Variants in SYCE2 observed in about 807,000 individuals in gnomAD.
SYCE2 encodes central element synaptonemal complex 1.
In SYCE2, 3 loss-of-function variants were observed where a neutral mutation model predicts 27.9. The ratio of observed to expected loss-of-function variants is 0.11; its 90% CI spans 0.05 to 0.28. SYCE2 has a LOEUF of 0.28. SYCE2 is among the 10% of genes least tolerant of loss of function. The probability of loss-of-function intolerance (pLI) is 1.00; values close to 1 mark genes in which losing one functional copy is unlikely to be tolerated. For synonymous variants in SYCE2, 85 were observed against 100.7 expected, an observed-to-expected ratio of 0.84 and a Z score of 0.93; for missense variants, 207 against 263.5, an observed-to-expected ratio of 0.79 and a Z score of 1.48.
chr19:12,901,719 G>A (rs890297270), intron 3 of SYCE2, among the ~76,000 whole-genome samples: 6 of 151,842 alleles, frequency 4.0e-5, no homozygotes, highest in Non-Finnish European at 7.4e-5. Flanking sequence ...GGGTTCAAGC[G>A]ATTCTCCTGC....
At chr19:12,911,178 T>C (rs1038351587) in intron 2 of SYCE2, among the ~76,000 whole-genome samples, 1 of 152,172 alleles carries the variant, frequency 6.6e-6, no homozygotes, top group East Asian at 1.9e-4. Context: ...GGTCTTGCTA[T>C]GTTACCCAAG....
chr19:12,902,263 A>G (rs4804742), intron 3 of SYCE2, among the ~76,000 whole-genome samples: 152,217 of 152,218 alleles, frequency 1, 76,108 homozygotes, highest in Non-Finnish European at 1. Context: ...GCATGTCACA[A>G]AACTGTACAG....
Position 12,919,261 on chromosome 19 carries a change from G to C in SYCE2, c.-4C>G. The C allele has an allele frequency of 6.2e-7, 1 of 1,610,792 alleles. No individual in the cohort carries two copies. Among genetic ancestry groups the C allele is most frequent in the Non-Finnish European group, 8.5e-7 (1 of 1,179,984 alleles). On this transcript the variant is annotated 5_prime_UTR_variant, in exon 1 of 6. Transcript: ENST00000293695. Reference sequence around the variant, plus strand: ...CGCGTACTCCCTGTCGCTCCATTCCGTATTTTCCCGCCTTCAAGCTCGCAC... The same window carrying C: ...CGCGTACTCCCTGTCGCTCCATTCCCTATTTTCCCGCCTTCAAGCTCGCAC...
intron 2 of SYCE2, among the ~76,000 whole-genome samples, chr19:12,913,449 C>T (rs1304104174): frequency 1.3e-5 from 2 of 152,068 alleles, no homozygotes; most frequent in African/African-American, 2.4e-5. Flanking sequence ...GTGGCAGTCC[C>T]GGGAGAGGAG....
Position 12,899,120 on chromosome 19 carries a change from G to A in SYCE2, c.*221C>T, listed in dbSNP as rs912994327. 4 of 586,514 alleles carry A rather than the reference G, an allele frequency of 6.8e-6. No homozygotes were observed. Among genetic ancestry groups the A allele is most frequent in the African/African-American group, 1.9e-5 (1 of 53,548 alleles). 36.3% of individuals were successfully genotyped at this position (586,514 alleles called of 1,614,324 possible). On this transcript the variant is annotated 3_prime_UTR_variant, in exon 6 of 6. Coordinates refer to ENST00000293695, the MANE Select transcript of SYCE2 (RefSeq NM_001105578.2). ...TTAATAAACTGTGGGGCTGGGGGTGGGGAGAACTTGCCAAGGGTGGGGAGC... is the reference window on the plus strand; with the variant it reads ...TTAATAAACTGTGGGGCTGGGGGTGAGGAGAACTTGCCAAGGGTGGGGAGC...
rs977176335 is a variant in SYCE2 at position 12,914,370 on chromosome 19, C to A, written c.131+3852G>T. On this transcript the variant is annotated intron_variant, in intron 2 of 5. Transcript: ENST00000293695. ...GCTACCAACATGAAGACGCTAAATGCCAAGTTGGGAAGAGATGTGTAGAAT... is the reference window on the plus strand; with the variant it reads ...GCTACCAACATGAAGACGCTAAATGACAAGTTGGGAAGAGATGTGTAGAAT... Among the ~76,000 whole-genome samples, 9 of 152,130 alleles carry A rather than the reference C, an allele frequency of 5.9e-5. 1 individual carries two copies.
intron 3 of SYCE2, among the ~76,000 whole-genome samples, chr19:12,901,069 T>C (rs1970825872): frequency 6.6e-6 from 1 of 152,176 alleles, no homozygotes; most frequent in East Asian, 1.9e-4. Context: ...CTTGGGAGGC[T>C]GAGGCAGGAG....
At chr19:12,913,220 C>T (rs115067266) in intron 2 of SYCE2, among the ~76,000 whole-genome samples, 6 of 152,188 alleles carry the variant, frequency 3.9e-5, no homozygotes, top group East Asian at 1.9e-4. Context: ...AATTTGGCTG[C>T]GAGGATTAGG....
At chr19:12,900,761 A>G in intron 3 of SYCE2, 113 bp from the exon 4 acceptor site, 1 of 1,086,404 alleles carries the variant, frequency 9.2e-7, no homozygotes, top group Non-Finnish European at 1.3e-6. Context: ...ATGACAAAAT[A>G]GGCTGGGCAC....
chr19:12,899,208 C>T lies in SYCE2; in HGVS notation c.*133G>A, dbSNP rs1970771563. The T allele has an allele frequency of 4.7e-5, 38 of 805,718 alleles. No homozygotes were observed. In the South Asian group the frequency reaches 6.1e-4, roughly 13 times the overall value. 49.9% of individuals were successfully genotyped at this position (805,718 alleles called of 1,614,324 possible). Reference sequence around the variant, plus strand: ...CATTTTGGGAGTTCAGCACAAGGAGCTTTGGGTTTTTGTTTTTTTCTGCCA... The same window carrying T: ...CATTTTGGGAGTTCAGCACAAGGAGTTTTGGGTTTTTGTTTTTTTCTGCCA... On this transcript the variant is annotated 3_prime_UTR_variant, in exon 6 of 6. Transcript: ENST00000293695.
intron 5 of SYCE2, 34 bp from the exon 6 acceptor site, chr19:12,899,419 G>A (rs1970779321): frequency 6.2e-7 from 1 of 1,614,128 alleles, no homozygotes; most frequent in Middle Eastern, 1.6e-4. Flanking sequence ...TTAAAGGGAA[G>A]TTGTGAGCTA....
chr19:12,918,582 GA>G (rs985306497), intron 1 of SYCE2, among the ~76,000 whole-genome samples: 11 of 152,252 alleles, frequency 7.2e-5, no homozygotes, highest in African/African-American at 2.6e-4. Context: ...AGGGCTGTGG[GA>G]ATGTAACTGG....
chr19:12,918,128 A>C (rs1971169163), intron 2 of SYCE2, 94 bp downstream of exon 2: 10 of 1,073,472 alleles, frequency 9.3e-6, no homozygotes, highest in African/African-American at 1.6e-5. Flanking sequence ...GGAAAAAAAA[A>C]GCAGCAGACA....
At chr19:12,913,496 G>A (rs1292106997) in intron 2 of SYCE2, among the ~76,000 whole-genome samples, 1 of 152,176 alleles carries the variant, frequency 6.6e-6, no homozygotes. Flanking sequence ...GAACACAACA[G>A]AATCTCTGGC....
At chr19:12,904,178 G>A (rs1469763596) in intron 3 of SYCE2, among the ~76,000 whole-genome samples, 3 of 152,180 alleles carry the variant, frequency 2.0e-5, no homozygotes, top group Non-Finnish European at 4.4e-5. Flanking sequence ...TGGCTCTCTC[G>A]TCAGGCAAAT....
In SYCE2 at chr19:12,900,553, C is replaced by A; in HGVS notation, c.402G>T (p.Gln134His). ...CCAAATGGCTGATCTTTGCCATTTT[C>A]TGGGTGAACTCTTGGAGCTTTTCCT... is the stretch of plus-strand genomic sequence containing the variant. The part of the protein sequence containing the change: ...IIQEKLQEFT[Q>H]KMAKISHLET... The change falls in exon 4 of 6, where the codon CAG becomes CAT. Residue 134 changes from glutamine (Q) to histidine (H), a missense_variant. Physicochemically the swap from Gln to His is conservative, Grantham distance 24. Coordinates refer to ENST00000293695, the MANE Select transcript of SYCE2 (RefSeq NM_001105578.2). 1 of 1,614,132 alleles carries A rather than the reference C, an allele frequency of 6.2e-7. No individual in the cohort carries two copies. The highest frequency in any genetic ancestry group is 8.5e-7 in the Non-Finnish European group (1 of 1,180,030).
intron 2 of SYCE2, among the ~76,000 whole-genome samples, chr19:12,912,286 C>T (rs991407174): frequency 6.6e-6 from 1 of 151,752 alleles, no homozygotes; most frequent in Non-Finnish European, 1.5e-5. Flanking sequence ...TGGGGACCTA[C>T]CACAATTTCC....
At chr19:12,918,523 G>C (rs1435398926) in intron 1 of SYCE2, among the ~76,000 whole-genome samples, 186 bp from the exon 2 acceptor site, 1 of 152,122 alleles carries the variant, frequency 6.6e-6, no homozygotes, top group Non-Finnish European at 1.5e-5. Context: ...AGGACACTCT[G>C]TCCCTAGGGG....
intron 3 of SYCE2, among the ~76,000 whole-genome samples, chr19:12,901,827 G>A (rs562288199): frequency 6.6e-6 from 1 of 152,126 alleles, no homozygotes; most frequent in East Asian, 1.9e-4. Flanking sequence ...ATGTTAGCCA[G>A]GCTGGTCTCC....
Sources: gnomAD v4.1 joint callset for allele counts (sites outside exome capture counted in the v4.1 genomes callset) on GRCh38, gnomAD v4.1.1 for gene constraint, MANE v1.5 for transcripts, NCBI Gene and HGNC (gene_info 2026-07-23, HGNC 2026-07-21) for gene names.